Variants in ANKRD11 observed in about 807,000 individuals in gnomAD.
The protein encoded by ANKRD11 is ankyrin repeat domain-containing protein 11.
A neutral mutation model predicts 195.7 loss-of-function variants in ANKRD11; 17 were observed. The observed-to-expected ratio is 0.09, with a 90% CI of 0.06 to 0.13. The LOEUF is 0.13. Among genes scored for constraint, ANKRD11 ranks in the 10% least tolerant of loss-of-function variants. The probability of loss-of-function intolerance (pLI) is 1.00; values close to 1 mark genes in which losing one functional copy is unlikely to be tolerated. For missense variants in ANKRD11, 3,735 were observed against 3,566.1 expected (o/e 1.05, Z -1.21); for synonymous variants, 1,953 against 1,528.1 (o/e 1.28, Z -6.49).
At position 89,284,477 on chromosome 16, in the gene ANKRD11, G is replaced by A; in HGVS notation, c.2065C>T (p.His689Tyr). The A allele has an allele frequency of 1.2e-6, 2 of 1,614,004 alleles. No individual in the cohort carries two copies. The highest frequency in any genetic ancestry group is 1.6e-4 in the Middle Eastern group (1 of 6,062). The change falls in exon 9 of 13, where the codon CAC becomes TAC. Residue 689 changes from histidine (H) to tyrosine (Y), a missense_variant. Transcript: ENST00000301030. The stretch of plus-strand genomic sequence containing the variant: ...TCTTTTTTAAAGTGGTCGCGATCGT[G>A]CTTTAACACTTTTAGCTTGTTTTCA... ...STENKLKVLK[H>Y]DRDHFKKEEK... is the part of the protein sequence containing the mutation.
At chr16:89,393,268 A>C (rs1056358304) in intron 2 of ANKRD11, among the ~76,000 whole-genome samples, 1 of 152,016 alleles carries the variant, frequency 6.6e-6, no homozygotes, top group African/African-American at 2.4e-5. Context: ...AGTCCACTGT[A>C]CACATTAAAC....
intron 2 of ANKRD11, among the ~76,000 whole-genome samples, chr16:89,354,855 C>G (rs1360952599): frequency 1.3e-5 from 2 of 152,132 alleles, no homozygotes; most frequent in Non-Finnish European, 2.9e-5. Context: ...CCTCTGCACT[C>G]CAGCCTGGGA....
At chr16:89,451,695 G>A (rs1368457279) in intron 1 of ANKRD11, among the ~76,000 whole-genome samples, 1 of 152,034 alleles carries the variant, frequency 6.6e-6, no homozygotes, top group African/African-American at 2.4e-5. Flanking sequence ...GGGATTACAG[G>A]CTAGAGCCAC....
At chr16:89,418,902 T>TG (rs1272089932) in intron 1 of ANKRD11, among the ~76,000 whole-genome samples, 1 of 151,880 alleles carries the variant, frequency 6.6e-6, no homozygotes, top group Non-Finnish European at 1.5e-5. Flanking sequence ...CCCGAGTAGA[T>TG]GGGATTACAG....
At chr16:89,475,617 G>A (rs74037208) in intron 1 of ANKRD11, among the ~76,000 whole-genome samples, 3,293 of 152,102 alleles carry the variant, frequency 0.022, 128 homozygotes, top group African/African-American at 0.075. Context: ...ATCTTTTATC[G>A]TTCACACTGG....
At chr16:89,429,192 AGAC>A (rs2042868491) in intron 1 of ANKRD11, among the ~76,000 whole-genome samples, 3 of 127,346 alleles carry the variant, frequency 2.4e-5, no homozygotes, top group Non-Finnish European at 5.2e-5. Flanking sequence ...TCTCACGCTC[AGAC>A]GTTCTAGTAC....
chr16:89,366,689 G>C (rs2039964465), intron 2 of ANKRD11, among the ~76,000 whole-genome samples: 1 of 152,208 alleles, frequency 6.6e-6, no homozygotes. Context: ...TGTCTAGACA[G>C]AGGTGCGGCA....
rs552614413 is a variant in ANKRD11, at chr16:89,484,967, C to T, written c.-145+5278G>A. ...TCTCACCCTCCACCAGCCACAAGGA[C>T]GCTGTAACTGAGACAGCAGCACCCT... On this transcript the variant is annotated intron_variant, in intron 1 of 12. Transcript: ENST00000301030. Among the ~76,000 whole-genome samples, 65 of 152,240 alleles carry T rather than the reference C, an allele frequency of 4.3e-4. 1 individual carries two copies. The highest frequency in any genetic ancestry group is 3.4e-3 in the Middle Eastern group (1 of 294).
At chr16:89,452,688 G>A (rs1227722284) in intron 1 of ANKRD11, among the ~76,000 whole-genome samples, 1 of 149,502 alleles carries the variant, frequency 6.7e-6, no homozygotes, top group Non-Finnish European at 1.5e-5. Flanking sequence ...GCAGGAGGCA[G>A]GAAAATCTCC....
intron 2 of ANKRD11, among the ~76,000 whole-genome samples, chr16:89,374,525 G>A (rs990906127): frequency 1.3e-5 from 2 of 152,148 alleles, no homozygotes; most frequent in Non-Finnish European, 2.9e-5. Flanking sequence ...ATTCAGAGCC[G>A]ATGGCCTCTG....
At chr16:89,475,529 G>A (rs751599715) in intron 1 of ANKRD11, among the ~76,000 whole-genome samples, 1 of 152,190 alleles carries the variant, frequency 6.6e-6, no homozygotes, top group Non-Finnish European at 1.5e-5. Flanking sequence ...GAACTAGGTA[G>A]AAGACATCGG....
intron 2 of ANKRD11, 26 bp downstream of exon 2, chr16:89,418,258 T>C (rs909885772): frequency 4.4e-6 from 2 of 452,858 alleles, no homozygotes; most frequent in Middle Eastern, 6.9e-4. Context: ...AAACATAAAT[T>C]GATAGAGAAT....
intron 1 of ANKRD11, among the ~76,000 whole-genome samples, chr16:89,442,147 C>T (rs993175593): frequency 5.9e-5 from 9 of 152,224 alleles, no homozygotes; most frequent in African/African-American, 9.6e-5. Context: ...AGGGCCAAGG[C>T]GAAGGCCGCA....
At chr16:89,420,098 A>G (rs376819773) in intron 1 of ANKRD11, 126 of 152,338 alleles carry the variant, frequency 8.3e-4, no homozygotes, top group African/African-American at 2.9e-3. Context: ...CAATCCATCA[A>G]TCAATAAAAA....
chr16:89,391,485 C>G (rs1202083474), intron 2 of ANKRD11, among the ~76,000 whole-genome samples: 2 of 152,170 alleles, frequency 1.3e-5, no homozygotes, highest in Admixed American at 1.3e-4. Context: ...TGCTGCTGGG[C>G]AGAAAGCCCA....
In ANKRD11 at chr16:89,275,008, C is replaced by T. The variant is rs1012018771; in HGVS notation, c.7570-51G>A. The T allele has an allele frequency of 5.0e-6, 8 of 1,612,262 alleles. No individual in the cohort carries two copies. In the African/African-American group the frequency reaches 1.1e-4, roughly 22 times the overall value. On this transcript the variant is annotated intron_variant, in intron 10 of 12. Transcript: ENST00000301030. ...GCTGGGACACAGCCACGCTCCAGGC[C>T]CCACTGTCAACACGACAGCCCCTGG...
At chr16:89,287,393 TG>T (rs1567586653) in intron 7 of ANKRD11, 1 of 239,768 alleles carries the variant, frequency 4.2e-6, no homozygotes, top group Non-Finnish European at 8.5e-6. Flanking sequence ...ACGGGCATCT[TG>T]GGGGCCATTA....
intron 2 of ANKRD11, among the ~76,000 whole-genome samples, chr16:89,382,588 C>T (rs941643495): frequency 1.3e-5 from 2 of 152,112 alleles, no homozygotes; most frequent in Admixed American, 6.6e-5. Flanking sequence ...CCATCCACTT[C>T]GGCCTCCCAA....
rs748594316 is a variant in ANKRD11, at chr16:89,281,404, G to A, written c.5138C>T (p.Pro1713Leu). ...VPTPTSVLSCPSYEEVMHTPR... is the reference protein window; with the variant it reads ...VPTPTSVLSCLSYEEVMHTPR... ...CGTGTGCATCACCTCCTCGTAGCTG[G>A]GGCAGGATAGCACCGACGTAGGGGT... is the stretch of plus-strand genomic sequence containing the variant. Residue 1713 changes from proline to leucine, a missense_variant, in exon 9 of 13, where the codon CCC (proline) becomes CTC (leucine). Pro to Leu is a moderately conservative substitution (Grantham distance 98). Transcript: ENST00000301030. The surrounding 1 kb of genome is among the most constrained non-coding windows in gnomAD (Gnocchi z 5.5). 8.7e-6 allele frequency: 14 copies of A among 1,609,850 alleles called. No homozygotes were observed. The highest frequency in any genetic ancestry group is 5.3e-5 in the African/African-American group (4 of 74,768).
Sources: gnomAD v4.1 joint callset for allele counts (sites outside exome capture counted in the v4.1 genomes callset) on GRCh38, gnomAD v4.1.1 for gene constraint, Gnocchi (gnomAD v3.1) non-coding constraint, MANE v1.5 for transcripts, NCBI Gene and HGNC (gene_info 2026-07-23, HGNC 2026-07-21) for gene names.